The following PRKG1 variants were observed in gnomAD, a reference collection of about 807,000 sequenced individuals.
PRKG1 encodes cGMP-dependent protein kinase 1.
Under a neutral mutation model 88.1 loss-of-function variants are expected in PRKG1, and 35 were observed. The ratio of observed to expected loss-of-function variants is 0.40; its 90% confidence interval spans 0.30 to 0.53. PRKG1 has a LOEUF of 0.53. Ranked by LOEUF, PRKG1 falls within the 20% of genes least tolerant of loss-of-function variation. The pLI, the probability that PRKG1 is intolerant of heterozygous loss-of-function variation, is 0.59. For synonymous variants in PRKG1, 303 were observed against 292.5 expected, an observed-to-expected ratio of 1.04 and a Z score of -0.37; for missense variants, 540 against 839.8, an observed-to-expected ratio of 0.64 and a Z score of 4.41.
chr10:51,359,731 T>C (rs905441160), intron 2 of PRKG1, among the ~76,000 whole-genome samples: 6 of 151,796 alleles, frequency 4.0e-5, no homozygotes, highest in African/African-American at 1.5e-4. Flanking sequence ...AGAAAAAAGA[T>C]GAATGGCATA....
intron 3 of PRKG1, among the ~76,000 whole-genome samples, chr10:51,614,775 A>G (rs1839002204): frequency 6.6e-6 from 1 of 151,848 alleles, no homozygotes; most frequent in Non-Finnish European, 1.5e-5. Flanking sequence ...GATTCTCTTG[A>G]GCATTTCTGC....
At chr10:51,877,305 CA>C (rs1841323435) in intron 4 of PRKG1, among the ~76,000 whole-genome samples, 1 of 152,064 alleles carries the variant, frequency 6.6e-6, no homozygotes, top group South Asian at 2.1e-4. Flanking sequence ...TTTTATGATC[CA>C]AGCTAGATTC....
At chr10:52,109,116 G>C (rs981592845) in intron 7 of PRKG1, among the ~76,000 whole-genome samples, 4 of 152,050 alleles carry the variant, frequency 2.6e-5, no homozygotes, top group Non-Finnish European at 5.9e-5. Context: ...GTGAGCCACT[G>C]CGCCAGGCCT....
intron 2 of PRKG1, among the ~76,000 whole-genome samples, chr10:51,272,568 T>A (rs958190256): frequency 6.6e-6 from 1 of 151,884 alleles, no homozygotes; most frequent in African/African-American, 2.4e-5. Flanking sequence ...TATAAAGAAA[T>A]GTAGTTAGAG....
intron 7 of PRKG1, among the ~76,000 whole-genome samples, chr10:52,075,366 A>G (rs1294486677): frequency 6.6e-6 from 1 of 152,150 alleles, no homozygotes; most frequent in Non-Finnish European, 1.5e-5. Flanking sequence ...TGTTACTAAG[A>G]TTTTTTTGGT....
rs566995338 is a variant in PRKG1, at chr10:51,128,808, G to T, written c.312-24356G>T. 1.2e-3 allele frequency among the ~76,000 whole-genome samples: 188 copies of T among 152,286 alleles called. 1 individual carries two copies. Among genetic ancestry groups the T allele is most frequent in the South Asian group, 3.5e-3 (17 of 4,822 alleles). On this transcript the variant is annotated intron_variant, in intron 1 of 17. Coordinates refer to ENST00000373980, the MANE Select transcript of PRKG1 (RefSeq NM_006258.4). ...GTAAGAAACATACACAGATGCTTAAGAGAGTAAAAATTTAATATTCATGTC... is the reference window on the plus strand; with the variant it reads ...GTAAGAAACATACACAGATGCTTAATAGAGTAAAAATTTAATATTCATGTC...
At chr10:51,087,287 TTGATGATGATGA>T (rs60114266) in intron 1 of PRKG1, among the ~76,000 whole-genome samples, 3 of 151,470 alleles carry the variant, frequency 2.0e-5, no homozygotes, top group Non-Finnish European at 2.9e-5. Flanking sequence ...TGGTCAATTA[TTGATGATGATGA>T]TGATGATGAT....
chr10:51,150,921 G>A (rs183613016), intron 1 of PRKG1, among the ~76,000 whole-genome samples: 1 of 152,042 alleles, frequency 6.6e-6, no homozygotes, highest in East Asian at 1.9e-4. Flanking sequence ...CTTCAATCAT[G>A]TTTGGATGGC....
At chr10:52,077,342 G>T (rs962443571) in intron 7 of PRKG1, among the ~76,000 whole-genome samples, 3 of 151,656 alleles carry the variant, frequency 2.0e-5, no homozygotes, top group African/African-American at 7.3e-5. Flanking sequence ...AGTACATGCT[G>T]TATAATTCTA....
intron 10 of PRKG1, among the ~76,000 whole-genome samples, chr10:52,258,532 A>T (rs2339951): frequency 2.5e-4 from 38 of 152,046 alleles, no homozygotes; most frequent in Non-Finnish European, 4.6e-4. Context: ...AATAATGTAT[A>T]TATGTGGTTT....
intron 2 of PRKG1, among the ~76,000 whole-genome samples, chr10:51,410,986 T>A (rs1838069750): frequency 6.6e-6 from 1 of 152,022 alleles, no homozygotes; most frequent in South Asian, 2.1e-4. Context: ...TAGAATGTGG[T>A]AATTTTACAG....
chr10:51,883,081 C>G (rs145384246), intron 4 of PRKG1, among the ~76,000 whole-genome samples: 234 of 152,298 alleles, frequency 1.5e-3, no homozygotes, highest in African/African-American at 5.4e-3. Context: ...TGTTGAGGAC[C>G]TGAATAGAAC....
chr10:51,338,071 A>G (rs1564452603), intron 2 of PRKG1, among the ~76,000 whole-genome samples: 1 of 152,182 alleles, frequency 6.6e-6, no homozygotes, highest in Non-Finnish European at 1.5e-5. Context: ...ATGCAGCCAT[A>G]TGGAGCTAGC....
intron 3 of PRKG1, among the ~76,000 whole-genome samples, chr10:51,554,581 C>A (rs1837261313): frequency 6.6e-6 from 1 of 151,270 alleles, no homozygotes; most frequent in Non-Finnish European, 1.5e-5. Context: ...CCAAGAGACA[C>A]TATCTTGATT....
chr10:51,943,016 G>T (rs1413120795), intron 5 of PRKG1, among the ~76,000 whole-genome samples: 5 of 151,920 alleles, frequency 3.3e-5, no homozygotes, highest in Non-Finnish European at 5.9e-5. Flanking sequence ...TGATGGGGAT[G>T]GCATTGAATC....
At chr10:51,893,586 T>C (rs184833805) in intron 4 of PRKG1, among the ~76,000 whole-genome samples, 141 of 152,314 alleles carry the variant, frequency 9.3e-4, no homozygotes, top group Non-Finnish European at 1.8e-3. Flanking sequence ...TTATTGCATA[T>C]AGTCCTTCAA....
At chr10:51,210,249 G>A (rs1289616058) in intron 2 of PRKG1, among the ~76,000 whole-genome samples, 1 of 152,076 alleles carries the variant, frequency 6.6e-6, no homozygotes, top group Non-Finnish European at 1.5e-5. Context: ...CAGAAATAAA[G>A]GTGTTCTTTG....
chr10:51,324,310 C>T (rs1417251685), intron 2 of PRKG1, among the ~76,000 whole-genome samples: 1 of 152,100 alleles, frequency 6.6e-6, no homozygotes, highest in Non-Finnish European at 1.5e-5. Context: ...AACATGAGAT[C>T]CACCTTTTTA....
rs193114020 is a variant in PRKG1 at position 51,366,751 on chromosome 10, A to G, written c.479-100972A>G. Among the ~76,000 whole-genome samples the G allele has an allele frequency of 1.1e-3, 170 of 152,086 alleles. 2 individuals are homozygous for G. Among genetic ancestry groups the G allele is most frequent in the Admixed American group, 3.3e-3 (50 of 15,236 alleles). ...GATTATAAAAAATCATTTCTCCAGCATGTACATGAAAGCTTTCTTCAAAAT... is the reference window on the plus strand; with the variant it reads ...GATTATAAAAAATCATTTCTCCAGCGTGTACATGAAAGCTTTCTTCAAAAT... On this transcript the variant is annotated intron_variant, in intron 2 of 17. Coordinates refer to ENST00000373980, the MANE Select transcript of PRKG1 (RefSeq NM_006258.4).
Sources: allele counts gnomAD v4.1 joint callset (sites outside exome capture counted in the v4.1 genomes callset), GRCh38; gene constraint gnomAD v4.1.1; transcripts MANE v1.5; gene names NCBI Gene and HGNC (gene_info 2026-07-23, HGNC 2026-07-21).